RAD51C: variants seen among roughly 807,000 people sequenced by gnomAD.
The protein encoded by RAD51C is DNA repair protein RAD51 homolog 3.
Under a neutral mutation model 45.0 loss-of-function variants are expected in RAD51C, and 42 were observed. The observed-to-expected ratio is 0.93, with a 90% confidence interval of 0.73 to 1.21. The LOEUF is 1.21. RAD51C is among the 50% of genes most tolerant of loss of function. RAD51C has a pLI of 0.00. For missense variants in RAD51C, 474 were observed against 452.2 expected (o/e 1.05, Z -0.44); for synonymous variants, 172 against 159.8 (o/e 1.08, Z -0.58).
chr17:58,694,866 C>T (rs749437872), intron 1 of RAD51C, 65 bp from the exon 2 acceptor site: 9 of 1,365,162 alleles, frequency 6.6e-6, no homozygotes, highest in East Asian at 2.3e-5. Context: ...TAAAGACAAT[C>T]GATTATCATG....
At chr17:58,692,578 C>A, upstream of RAD51C, 1 of 1,594,226 alleles carries the variant, frequency 6.3e-7, no homozygotes, top group Non-Finnish European at 8.5e-7. Context: ...CGTCTGACGT[C>A]ACGCCGCACG....
chr17:58,704,830 C>T (rs1157681070), intron 4 of RAD51C, among the ~76,000 whole-genome samples: 1 of 152,098 alleles, frequency 6.6e-6, no homozygotes, highest in Non-Finnish European at 1.5e-5. Flanking sequence ...TACCCATCAT[C>T]CTGACCTTTT....
At chr17:58,730,164 C>CT (rs35483724) in intron 7 of RAD51C, among the ~76,000 whole-genome samples, 33,093 of 121,886 alleles carry the variant, frequency 0.27, 5,474 homozygotes, top group Middle Eastern at 0.38. Flanking sequence ...CACAGCTGTT[C>CT]TTTTTTTTTT....
intron 4 of RAD51C, 117 bp from the exon 5 acceptor site, chr17:58,709,742 A>G: frequency 2.0e-6 from 2 of 998,562 alleles, no homozygotes; most frequent in Non-Finnish European, 3.0e-6. Context: ...AGTAAATAAG[A>G]CAGAAGAATA....
At chr17:58,721,332 C>T (rs1212508723) in intron 6 of RAD51C, among the ~76,000 whole-genome samples, 2 of 152,082 alleles carry the variant, frequency 1.3e-5, no homozygotes, top group African/African-American at 4.8e-5. Flanking sequence ...ATTCTTGCCC[C>T]CAGGGAGTTC....
chr17:58,734,588 G>GTTTT lies in RAD51C; in HGVS notation c.*386_*389dup, dbSNP rs34517797. On this transcript the variant is annotated 3_prime_UTR_variant, in exon 9 of 9. Transcript: ENST00000337432. ...AAGAAACATATCATATTCTTATTGT[G>GTTTT]TTTTTTTTTTTTTTTTTTTTTTTGG... 3.4e-4 allele frequency: 35 copies of GTTTT among 102,460 alleles called. No homozygotes were observed. Among genetic ancestry groups the GTTTT allele is most frequent in the East Asian group, 5.9e-4 (2 of 3,400 alleles). 6.3% of individuals were successfully genotyped at this position (102,460 alleles called of 1,614,324 possible). A position where few individuals can be genotyped will look rare whatever the true frequency, so the allele number is the denominator to read the frequency against.
chr17:58,699,780 A>G (rs1250437092), intron 3 of RAD51C: 1 of 152,160 alleles, frequency 6.6e-6, no homozygotes, highest in Non-Finnish European at 1.5e-5. Flanking sequence ...TGCTGCCTTT[A>G]GAGACTTAGG....
rs1288706784 is a variant in RAD51C at position 58,735,175 on chromosome 17, G to A, written c.*953G>A. 6.6e-6 allele frequency: 1 copy of A among 152,096 alleles called. No homozygotes were observed. Among genetic ancestry groups the A allele is most frequent in the Non-Finnish European group, 1.5e-5 (1 of 68,034 alleles). 9.4% of individuals were successfully genotyped at this position (152,096 alleles called of 1,614,324 possible). A position where few individuals can be genotyped will look rare whatever the true frequency, so the allele number is the denominator to read the frequency against. On this transcript the variant is annotated 3_prime_UTR_variant, in exon 9 of 9. Coordinates refer to ENST00000337432, the MANE Select transcript of RAD51C (RefSeq NM_058216.3). The stretch of plus-strand genomic sequence containing the variant: ...TATGTCTTCCAGAATAGGTTGATAA[G>A]CTCACAATCATTTATTGCTACGTTT...
At chr17:58,693,239 A>G (rs751929580) in intron 1 of RAD51C, 28 of 189,262 alleles carry the variant, frequency 1.5e-4, no homozygotes, top group Non-Finnish European at 2.3e-4. Flanking sequence ...TTTGTGTAGG[A>G]CTAGAGACAC....
At chr17:58,697,192 C>G (rs906991669) in intron 3 of RAD51C, among the ~76,000 whole-genome samples, 5 of 152,154 alleles carry the variant, frequency 3.3e-5, no homozygotes, top group Non-Finnish European at 7.3e-5. Flanking sequence ...AAATGCTTTC[C>G]AATGTATAAG....
intron 4 of RAD51C, among the ~76,000 whole-genome samples, chr17:58,705,581 C>T (rs879284411): frequency 2.0e-5 from 3 of 152,110 alleles, no homozygotes; most frequent in Non-Finnish European, 2.9e-5. Flanking sequence ...ATCCGCCCAC[C>T]TCGGCCTCCC....
intron 6 of RAD51C, among the ~76,000 whole-genome samples, chr17:58,723,229 C>T (rs1326676847): frequency 1.3e-5 from 2 of 152,048 alleles, no homozygotes; most frequent in African/African-American, 4.8e-5. Context: ...TTATATCCAC[C>T]TTTTCATTTC....
At chr17:58,698,072 C>T (rs888549170) in intron 3 of RAD51C, among the ~76,000 whole-genome samples, 21 of 151,508 alleles carry the variant, frequency 1.4e-4, no homozygotes, top group African/African-American at 4.6e-4. Context: ...AGTACAGTGG[C>T]GCGATCTCGG....
intron 7 of RAD51C, among the ~76,000 whole-genome samples, chr17:58,731,258 GTTT>G (rs77247264): frequency 2.2e-5 from 3 of 135,184 alleles, no homozygotes; most frequent in South Asian, 2.3e-4. Context: ...CTTAAAAGCA[GTTT>G]TTTTTTTTTT....
intron 5 of RAD51C, among the ~76,000 whole-genome samples, chr17:58,717,868 A>G (rs2048792915): frequency 6.6e-6 from 1 of 152,208 alleles, no homozygotes; most frequent in Admixed American, 6.6e-5. Flanking sequence ...GAAGAAAATC[A>G]TGTCATCCAC....
intron 4 of RAD51C, 67 bp from the exon 5 acceptor site, chr17:58,709,792 G>C (rs2143848532): frequency 6.9e-7 from 1 of 1,459,314 alleles, no homozygotes; most frequent in Admixed American, 1.7e-5. Flanking sequence ...CTTGGAGAGA[G>C]AGAGCATTTT....
intron 2 of RAD51C, 42 bp downstream of exon 2, chr17:58,695,231 A>T: frequency 6.3e-7 from 1 of 1,576,086 alleles, no homozygotes; most frequent in South Asian, 1.2e-5. Flanking sequence ...GTTTAATAAC[A>T]TATTATGAAA....
intron 7 of RAD51C, among the ~76,000 whole-genome samples, chr17:58,728,396 T>C (rs2049257693): frequency 8.8e-6 from 1 of 113,372 alleles, no homozygotes; most frequent in Non-Finnish European, 1.7e-5. Flanking sequence ...AAAATCTTTT[T>C]TTTTTTTCTT....
chr17:58,731,501 T>C (rs1419441451), intron 7 of RAD51C, among the ~76,000 whole-genome samples: 1 of 152,184 alleles, frequency 6.6e-6, no homozygotes, highest in East Asian at 1.9e-4. Flanking sequence ...TCAGGTGATC[T>C]GCCTGCCTTG....
Sources: gnomAD v4.1 joint callset for allele counts (sites outside exome capture counted in the v4.1 genomes callset) on GRCh38, gnomAD v4.1.1 for gene constraint, MANE v1.5 for transcripts, NCBI Gene and HGNC (gene_info 2026-07-23, HGNC 2026-07-21) for gene names.